Variants in ZNF516 observed in about 807,000 individuals in gnomAD.
ZNF516 encodes the protein zinc finger protein 516.
ZNF516 carries 19 observed loss-of-function variants against 79.7 expected under a neutral mutation model. That is an observed-to-expected ratio of 0.24 (90% confidence interval 0.17 to 0.35). The LOEUF is 0.35. ZNF516 is among the 10% of genes least tolerant of loss of function. The probability of loss-of-function intolerance (pLI) is 1.00; values close to 1 mark genes in which losing one functional copy is unlikely to be tolerated. For synonymous variants in ZNF516, 877 were observed against 739.5 expected, an observed-to-expected ratio of 1.19 and a Z score of -3.02; for missense variants, 1,678 against 1,679.5, an observed-to-expected ratio of 1.00 and a Z score of 0.02.
intron 2 of ZNF516, among the ~76,000 whole-genome samples, chr18:76,461,442 G>T (rs1156492681): frequency 2.0e-5 from 3 of 152,292 alleles, no homozygotes; most frequent in African/African-American, 7.2e-5. Flanking sequence ...CAGGGGACCA[G>T]CGTCTCCACA....
In ZNF516 at chr18:76,360,646, A is replaced by AAATATATATATATATAT. The variant is rs373540251; in HGVS notation, c.*1851_*1852insATATATATATATATATT. On this transcript the variant is annotated 3_prime_UTR_variant, in exon 7 of 7. Coordinates refer to ENST00000443185, the MANE Select transcript of ZNF516 (RefSeq NM_014643.4). ...AAAAAAATAAGTAAAAAAAAAAAAA[A>AAATATATATATATATAT]ATATATATATATATATATATATATA... is the stretch of plus-strand genomic sequence containing the variant. The AAATATATATATATATAT allele has an allele frequency of 1.4e-5, 1 of 72,494 alleles. No homozygotes were observed. The highest frequency in any genetic ancestry group is 6.1e-5 in the African/African-American group (1 of 16,370). 4.5% of individuals were successfully genotyped at this position (72,494 alleles called of 1,614,324 possible). A position where few individuals can be genotyped will look rare whatever the true frequency, so the allele number is the denominator to read the frequency against.
At chr18:76,465,079 G>C in intron 1 of ZNF516, among the ~76,000 whole-genome samples, 1 of 152,274 alleles carries the variant, frequency 6.6e-6, no homozygotes, top group East Asian at 1.9e-4. Context: ...TCGCCACGCA[G>C]CTCAAGGCTG....
chr18:76,448,693 G>A (rs1912212999), intron 2 of ZNF516, among the ~76,000 whole-genome samples: 1 of 152,150 alleles, frequency 6.6e-6, no homozygotes, highest in South Asian at 2.1e-4. Flanking sequence ...TCCTAGGGCG[G>A]TGCGGTCAGG....
intron 3 of ZNF516, among the ~76,000 whole-genome samples, chr18:76,403,229 AC>A (rs567409669): frequency 5.3e-5 from 8 of 152,194 alleles, no homozygotes; most frequent in Non-Finnish European, 1.0e-4. Context: ...ATACTGGTGC[AC>A]CCGTTAAGAC....
chr18:76,397,919 C>T (rs979949877), intron 3 of ZNF516, among the ~76,000 whole-genome samples: 3 of 152,102 alleles, frequency 2.0e-5, no homozygotes, highest in Non-Finnish European at 4.4e-5. Context: ...TTTTGATGTC[C>T]GAACAAAAAC....
chr18:76,371,466 C>G lies in ZNF516; in HGVS notation c.3364+1G>C. 1.2e-6 allele frequency: 2 copies of G among 1,605,576 alleles called. No individual in the cohort carries two copies. The highest frequency in any genetic ancestry group is 1.7e-6 in the Non-Finnish European group (2 of 1,179,390). On this transcript the variant is annotated splice_donor_variant, in intron 5 of 6. Coordinates refer to ENST00000443185, the MANE Select transcript of ZNF516 (RefSeq NM_014643.4). LOFTEE classifies it high-confidence loss of function. ...GGGATAGCTGGGCGGGAGGGCGATACCTGAGTGTGCCCGCATGTGGGCCCT... is the reference window on the plus strand; with the variant it reads ...GGGATAGCTGGGCGGGAGGGCGATAGCTGAGTGTGCCCGCATGTGGGCCCT...
rs1391600337 is a variant in ZNF516 at position 76,359,214 on chromosome 18, T to C, written c.*3284A>G. 1.3e-5 allele frequency: 2 copies of C among 152,200 alleles called. No individual in the cohort carries two copies. The highest frequency in any genetic ancestry group is 6.5e-5 in the Admixed American group (1 of 15,282). 9.4% of individuals were successfully genotyped at this position (152,200 alleles called of 1,614,324 possible). On this transcript the variant is annotated 3_prime_UTR_variant, in exon 7 of 7. Coordinates refer to ENST00000443185, the MANE Select transcript of ZNF516 (RefSeq NM_014643.4). ...CTTTTCAGGGAACCAGTGTCTTTCTTGGTTTAAAAAATAAATAAGTAAATA... is the reference window on the plus strand; with the variant it reads ...CTTTTCAGGGAACCAGTGTCTTTCTCGGTTTAAAAAATAAATAAGTAAATA...
intron 3 of ZNF516, among the ~76,000 whole-genome samples, chr18:76,412,036 G>A (rs1448682678): frequency 6.6e-6 from 1 of 152,228 alleles, no homozygotes; most frequent in Admixed American, 6.5e-5. Flanking sequence ...CCAAGACCGT[G>A]TGGGTGTGTA....
intron 6 of ZNF516, among the ~76,000 whole-genome samples, chr18:76,368,978 C>A (rs2074660820): frequency 6.6e-6 from 1 of 152,204 alleles, no homozygotes; most frequent in Admixed American, 6.5e-5. Flanking sequence ...TGGCTTCCCG[C>A]CCCTGTCAAA....
chr18:76,475,723 T>A (rs1487428127), intron 1 of ZNF516, among the ~76,000 whole-genome samples: 1 of 152,188 alleles, frequency 6.6e-6, no homozygotes, highest in East Asian at 1.9e-4. Flanking sequence ...ACTGGGCATC[T>A]GGAAATCACT....
Position 76,442,236 on chromosome 18 carries a change from G to A in ZNF516, c.819C>T (p.Ser273=). 1 of 1,613,796 alleles carries A rather than the reference G, an allele frequency of 6.2e-7. No individual in the cohort carries two copies. The highest frequency in any genetic ancestry group is 8.5e-7 in the Non-Finnish European group (1 of 1,179,870). ...CGCAGATGTGGCAGCCGTGGTCGAA[G>A]GAGCCCCGGTGCTTCTTCATGTGCG... The part of the protein sequence containing the change: ...LKAHMKKHRG[S]FDHGCHICGR... Residue 273 remains serine, a synonymous_variant, in exon 3 of 7, where the codon TCC becomes TCT. Transcript: ENST00000443185.
At chr18:76,370,287 A>G (rs933582231) in intron 6 of ZNF516, among the ~76,000 whole-genome samples, 2 of 152,094 alleles carry the variant, frequency 1.3e-5, no homozygotes, top group African/African-American at 4.8e-5. Context: ...CTCCTCCCCA[A>G]TACAACCAAC....
At chr18:76,362,892 A>G (rs1243571851) in intron 6 of ZNF516, among the ~76,000 whole-genome samples, 1 of 152,196 alleles carries the variant, frequency 6.6e-6, no homozygotes, top group East Asian at 1.9e-4. Context: ...CTCTGGAGAG[A>G]AGGTTACAAG....
rs1369241135 is a variant in ZNF516, at chr18:76,392,698, G to C, written c.1811-12395C>G. On this transcript the variant is annotated intron_variant, in intron 3 of 6. Coordinates refer to ENST00000443185, the MANE Select transcript of ZNF516 (RefSeq NM_014643.4). ...AGGTGGATGGGAAGGCAGGTGACCA[G>C]GTGGGGGAAAGGTGGATGGGAAGGC... Among the ~76,000 whole-genome samples, 20 of 65,082 alleles carry C rather than the reference G, an allele frequency of 3.1e-4. 2 individuals carry two copies. Among genetic ancestry groups the C allele is most frequent in the Middle Eastern group, 6.8e-3 (1 of 146 alleles). 42.7% of individuals were successfully genotyped at this position (65,082 alleles called of 152,430 possible).
At chr18:76,375,434 G>A (rs1337005932) in intron 4 of ZNF516, among the ~76,000 whole-genome samples, 1 of 151,930 alleles carries the variant, frequency 6.6e-6, no homozygotes, top group Non-Finnish European at 1.5e-5. Context: ...AGGTCCCAGA[G>A]ACCAGGCAGA....
intron 4 of ZNF516, chr18:76,378,413 A>G (rs1307157600): frequency 6.4e-6 from 1 of 156,358 alleles, no homozygotes; most frequent in Non-Finnish European, 1.4e-5. Context: ...ATAAAAATAA[A>G]ACTTAATACA....
At chr18:76,388,782 G>GGGCT (rs1196385408) in intron 3 of ZNF516, 1 of 152,246 alleles carries the variant, frequency 6.6e-6, no homozygotes, top group African/African-American at 2.4e-5. Context: ...AGGAGACCAT[G>GGGCT]GGCTCAGTGT....
chr18:76,475,024 T>C (rs957447969), intron 1 of ZNF516, among the ~76,000 whole-genome samples: 1 of 152,240 alleles, frequency 6.6e-6, no homozygotes, highest in African/African-American at 2.4e-5. Context: ...AGTCCACACC[T>C]GAAATCTTTC....
In ZNF516 at chr18:76,495,161, G is replaced by A. The variant is rs917338492; in HGVS notation, c.-289C>T. The A allele has an allele frequency of 1.3e-5, 2 of 149,690 alleles. No individual in the cohort carries two copies. The highest frequency in any genetic ancestry group is 2.0e-4 in the East Asian group (1 of 5,028). 9.3% of individuals were successfully genotyped at this position (149,690 alleles called of 1,614,324 possible). A position where few individuals can be genotyped will look rare whatever the true frequency, so the allele number is the denominator to read the frequency against. ...GCCCCTACCTTGGCAGGGAGGCGGC[G>A]GGCCTGGGGAGGAGGACGCGCACGC... is the stretch of plus-strand genomic sequence containing the variant. On this transcript the variant is annotated 5_prime_UTR_variant, in exon 1 of 7. Coordinates refer to ENST00000443185, the MANE Select transcript of ZNF516 (RefSeq NM_014643.4).
Sources: gnomAD v4.1 joint callset for allele counts (sites outside exome capture counted in the v4.1 genomes callset) on GRCh38, gnomAD v4.1.1 for gene constraint, MANE v1.5 for transcripts, NCBI Gene and HGNC (gene_info 2026-07-23, HGNC 2026-07-21) for gene names.